RTTN: variants seen among roughly 807,000 people sequenced by gnomAD.
RTTN encodes the protein rotatin.
In RTTN, 182 loss-of-function variants were observed where a neutral mutation model predicts 269.2. The ratio of observed to expected loss-of-function variants is 0.68; its 90% CI spans 0.60 to 0.76. The LOEUF is 0.76. Among genes scored for constraint, RTTN ranks in the 30% least tolerant of loss-of-function variants. RTTN has a pLI of 0.00. For synonymous variants in RTTN, 1,006 were observed against 963.5 expected (o/e 1.04, Z -0.82); for missense variants, 2,545 against 2,608.6 (o/e 0.98, Z 0.53).
intron 40 of RTTN, among the ~76,000 whole-genome samples, chr18:70,038,740 C>G (rs1439554789): frequency 1.3e-5 from 2 of 152,138 alleles, no homozygotes; most frequent in East Asian, 3.9e-4. Flanking sequence ...AATAAGGCAT[C>G]AGAGACCAAG....
chr18:70,119,206 G>C (rs1371380923), intron 26 of RTTN, among the ~76,000 whole-genome samples: 1 of 151,590 alleles, frequency 6.6e-6, no homozygotes, highest in Non-Finnish European at 1.5e-5. Flanking sequence ...AAAAAACTTT[G>C]ATCTTAAAAA....
chr18:70,174,260 C>G (rs1352143119), intron 11 of RTTN, among the ~76,000 whole-genome samples: 1 of 151,732 alleles, frequency 6.6e-6, no homozygotes, highest in Non-Finnish European at 1.5e-5. Context: ...ATTTCAGAAA[C>G]TGTAATTGGC....
At chr18:70,098,959 A>G (rs192343216) in intron 28 of RTTN, among the ~76,000 whole-genome samples, 83 of 152,302 alleles carry the variant, frequency 5.4e-4, no homozygotes, top group African/African-American at 1.9e-3. Context: ...ATGTCCCTAC[A>G]AAGGACATGA....
chr18:70,197,805 G>A lies in RTTN; in HGVS notation c.579-67C>T, dbSNP rs115087749. ...TATTCCAGATTCTAAGTAGCCTACTGACACAATGACTCCATTAACAATCTT... is the reference window on the plus strand; with the variant it reads ...TATTCCAGATTCTAAGTAGCCTACTAACACAATGACTCCATTAACAATCTT... On this transcript the variant is annotated intron_variant, in intron 5 of 48. Transcript: ENST00000640769. The A allele has an allele frequency of 8.0e-4, 750 of 941,848 alleles. 4 individuals are homozygous for A. The African/African-American group carries it at 0.01, about 13-fold the overall frequency. 58.3% of individuals were successfully genotyped at this position (941,848 alleles called of 1,614,324 possible). A position where few individuals can be genotyped will look rare whatever the true frequency, so the allele number is the denominator to read the frequency against.
chr18:70,051,492 C>G lies in RTTN; in HGVS notation c.5242G>C (p.Ala1748Pro). Residue 1748 changes from alanine (A) to proline (P), a missense_variant, in exon 39 of 49, where the codon GCC (alanine) becomes CCC (proline). By Grantham distance (27) the Ala-to-Pro change is conservative. Transcript: ENST00000640769. ...HTWTHLFNLL[A>P]MLLRKAGAIT... ...GCACCAGCTTTCCTCAGGAGCATGGCCAGAAGATTAAATAAATGTGTCCAT... is the reference window on the plus strand; with the variant it reads ...GCACCAGCTTTCCTCAGGAGCATGGGCAGAAGATTAAATAAATGTGTCCAT... 1 of 1,612,848 alleles carries G rather than the reference C, an allele frequency of 6.2e-7. No homozygotes were observed. The highest frequency in any genetic ancestry group is 1.3e-5 in the African/African-American group (1 of 74,946).
intron 36 of RTTN, among the ~76,000 whole-genome samples, chr18:70,059,090 C>G (rs1240161435): frequency 6.6e-6 from 1 of 152,066 alleles, no homozygotes; most frequent in African/African-American, 2.4e-5. Flanking sequence ...CTAGAATAAA[C>G]TGAACACCAG....
chr18:70,151,838 T>C (rs1416484651), intron 14 of RTTN, among the ~76,000 whole-genome samples: 3 of 152,236 alleles, frequency 2.0e-5, no homozygotes, highest in Non-Finnish European at 4.4e-5. Context: ...CATATTCTAA[T>C]GTGTCTATGG....
At chr18:70,073,446 C>T (rs920738505) in intron 34 of RTTN, among the ~76,000 whole-genome samples, 2 of 152,132 alleles carry the variant, frequency 1.3e-5, no homozygotes, top group Non-Finnish European at 2.9e-5. Flanking sequence ...CTTCATATTG[C>T]CCTGCCCTTA....
At chr18:70,060,379 G>C (rs2057946049) in intron 35 of RTTN, among the ~76,000 whole-genome samples, 2 of 152,064 alleles carry the variant, frequency 1.3e-5, no homozygotes, top group Admixed American at 1.3e-4. Flanking sequence ...TCCTTTTTCT[G>C]AAACTCGAGG....
intron 28 of RTTN, among the ~76,000 whole-genome samples, chr18:70,097,567 G>A (rs1230740669): frequency 6.6e-6 from 1 of 152,142 alleles, no homozygotes; most frequent in Non-Finnish European, 1.5e-5. Flanking sequence ...AAGATTTTCT[G>A]CTCGAGATGT....
chr18:70,051,121 A>G (rs1334439095), intron 39 of RTTN, among the ~76,000 whole-genome samples: 1 of 152,204 alleles, frequency 6.6e-6, no homozygotes, highest in Non-Finnish European at 1.5e-5. Flanking sequence ...AATGTTCTCA[A>G]TAAAACAGAG....
chr18:70,102,367 C>T (rs894165678), intron 28 of RTTN, among the ~76,000 whole-genome samples: 2 of 152,134 alleles, frequency 1.3e-5, no homozygotes, highest in Non-Finnish European at 2.9e-5. Flanking sequence ...GGTTTAAAGT[C>T]TGTTTTATCG....
At chr18:70,199,054 G>A (rs967633764) in intron 5 of RTTN, among the ~76,000 whole-genome samples, 4 of 152,148 alleles carry the variant, frequency 2.6e-5, no homozygotes, top group Non-Finnish European at 5.9e-5. Flanking sequence ...CAGCGTGGTG[G>A]TGCGTGCCTG....
chr18:70,091,818 T>C (rs2058855507), intron 30 of RTTN: 1 of 184,886 alleles, frequency 5.4e-6, no homozygotes, highest in African/African-American at 2.4e-5. Context: ...AGTGGCACAA[T>C]CTCAGCTCAC....
intron 35 of RTTN, among the ~76,000 whole-genome samples, chr18:70,063,016 G>A (rs112883696): frequency 4.6e-5 from 7 of 151,970 alleles, no homozygotes; most frequent in African/African-American, 1.7e-4. Context: ...TCTACTTACA[G>A]GCATTTGTGT....
intron 46 of RTTN, among the ~76,000 whole-genome samples, chr18:70,013,393 ATG>A (rs747807433): frequency 0.012 from 1,697 of 147,242 alleles, 15 homozygotes; most frequent in African/African-American, 0.02. Context: ...ATATATACAT[ATG>A]TGTGTGTGTG....
chr18:70,173,243 C>A (rs1758238767), intron 11 of RTTN, among the ~76,000 whole-genome samples: 1 of 151,844 alleles, frequency 6.6e-6, no homozygotes, highest in South Asian at 2.1e-4. Flanking sequence ...GCCTATAATC[C>A]CAGCACATTG....
chr18:70,102,073 T>G (rs1195861924), intron 28 of RTTN, among the ~76,000 whole-genome samples: 3 of 152,144 alleles, frequency 2.0e-5, no homozygotes, highest in Non-Finnish European at 4.4e-5. Context: ...GGTGGAGAGT[T>G]CTGTAGATGC....
intron 6 of RTTN, 98 bp downstream of exon 6, chr18:70,197,526 T>C: frequency 1.4e-6 from 1 of 738,108 alleles, no homozygotes; most frequent in South Asian, 1.5e-5. Flanking sequence ...AAAACATGAG[T>C]ACAAAGTTCC....
Sources: allele counts gnomAD v4.1 joint callset (sites outside exome capture counted in the v4.1 genomes callset), GRCh38; gene constraint gnomAD v4.1.1; transcripts MANE v1.5; gene names NCBI Gene and HGNC (gene_info 2026-07-23, HGNC 2026-07-21).